The following SLC14A2 variants were observed in gnomAD, a reference collection of about 807,000 sequenced individuals.
SLC14A2 encodes solute carrier family 14 member 2.
SLC14A2 carries 91 observed loss-of-function variants against 104.6 expected under a neutral mutation model. That is an observed-to-expected ratio of 0.87 (90% confidence interval 0.73 to 1.04). The LOEUF is 1.04. SLC14A2 is among the 50% of genes least tolerant of loss of function. SLC14A2 has a pLI of 0.00. For missense variants in SLC14A2, 1,189 were observed against 1,156.0 expected, an observed-to-expected ratio of 1.03 and a Z score of -0.41; for synonymous variants, 476 against 466.4, an observed-to-expected ratio of 1.02 and a Z score of -0.27.
At chr18:45,367,745 TTTG>T (rs139963661) in intron 1 of SLC14A2, among the ~76,000 whole-genome samples, 221 of 151,948 alleles carry the variant, frequency 1.5e-3, no homozygotes, top group African/African-American at 4.4e-3. Context: ...AAATCAAATT[TTTG>T]TTGTTGTTGT....
intron 1 of SLC14A2, among the ~76,000 whole-genome samples, chr18:45,232,122 T>G (rs1357976024): frequency 6.6e-6 from 1 of 152,070 alleles, no homozygotes; most frequent in Non-Finnish European, 1.5e-5. Context: ...ATTCTCACAC[T>G]GCTAGCAAGA....
At chr18:45,597,887 G>C (rs1250927090) in intron 2 of SLC14A2, among the ~76,000 whole-genome samples, 1 of 152,152 alleles carries the variant, frequency 6.6e-6, no homozygotes, top group African/African-American at 2.4e-5. Flanking sequence ...GGCATTAATA[G>C]GAATTGCTGG....
chr18:45,681,033 T>C (rs867531793), intron 19 of SLC14A2, among the ~76,000 whole-genome samples: 18 of 150,576 alleles, frequency 1.2e-4, no homozygotes, highest in African/African-American at 4.2e-4. Flanking sequence ...ACTCCCATGG[T>C]AGTATCTGAG....
chr18:45,450,808 A>G (rs915234893), intron 1 of SLC14A2, among the ~76,000 whole-genome samples: 1 of 152,242 alleles, frequency 6.6e-6, no homozygotes, highest in African/African-American at 2.4e-5. Flanking sequence ...AGTGCAAACC[A>G]TTCAGTCAAG....
upstream of SLC14A2, among the ~76,000 whole-genome samples, chr18:45,209,417 G>A (rs1006723628): frequency 6.6e-6 from 1 of 152,060 alleles, no homozygotes; most frequent in Non-Finnish European, 1.5e-5. Context: ...GTAAAATCAG[G>A]TTTTAAAAAT....
intron 2 of SLC14A2, among the ~76,000 whole-genome samples, chr18:45,543,818 G>A (rs145226490): frequency 9.8e-5 from 15 of 152,330 alleles, no homozygotes; most frequent in Admixed American, 3.3e-4. Flanking sequence ...TGTTCCCACC[G>A]TTGCCTAACT....
chr18:45,252,105 A>G (rs888702271), intron 1 of SLC14A2, among the ~76,000 whole-genome samples: 29 of 152,208 alleles, frequency 1.9e-4, no homozygotes, highest in African/African-American at 6.8e-4. Context: ...GTGACCAGCA[A>G]TGAGAATCCT....
intron 1 of SLC14A2, among the ~76,000 whole-genome samples, chr18:45,415,952 T>C (rs1414502645): frequency 6.6e-6 from 1 of 152,180 alleles, no homozygotes; most frequent in Non-Finnish European, 1.5e-5. Flanking sequence ...GCTGTTTGCA[T>C]TGCTAACTGC....
the SLC14A2 span, among the ~76,000 whole-genome samples, chr18:45,196,092 AC>A: frequency 6.8e-3 from 1,040 of 152,306 alleles, 5 homozygotes; most frequent in Non-Finnish European, 0.011. Flanking sequence ...TTATTTGGAC[AC>A]TGTTTGAACA....
At chr18:45,305,879 T>C (rs1452277887) in intron 1 of SLC14A2, among the ~76,000 whole-genome samples, 1 of 152,244 alleles carries the variant, frequency 6.6e-6, no homozygotes, top group Admixed American at 6.5e-5. Context: ...TACAATTTTA[T>C]TAAGTTTCTG....
At chr18:45,201,948 C>G in the SLC14A2 span, among the ~76,000 whole-genome samples, 1 of 152,082 alleles carries the variant, frequency 6.6e-6, no homozygotes, top group African/African-American at 2.4e-5. Context: ...GCAATTCAGA[C>G]CACCCATCTC....
At chr18:45,170,808 C>T in the SLC14A2 span, among the ~76,000 whole-genome samples, 8 of 152,142 alleles carry the variant, frequency 5.3e-5, no homozygotes, top group East Asian at 3.9e-4. Context: ...GAGGAAAAGG[C>T]GGCCCATGTT....
intron 1 of SLC14A2, among the ~76,000 whole-genome samples, chr18:45,399,904 A>G (rs2086077307): frequency 6.6e-6 from 1 of 152,046 alleles, no homozygotes; most frequent in African/African-American, 2.4e-5. Context: ...CCTCATCCTC[A>G]TCACACTTGG....
chr18:45,402,690 C>G (rs1318651445), intron 1 of SLC14A2, among the ~76,000 whole-genome samples: 7 of 152,184 alleles, frequency 4.6e-5, no homozygotes, highest in Non-Finnish European at 2.9e-5. Context: ...CCCAACCCCA[C>G]CTGCCATTTT....
intron 2 of SLC14A2, among the ~76,000 whole-genome samples, chr18:45,607,194 T>C (rs2044886397): frequency 6.6e-6 from 1 of 152,208 alleles, no homozygotes; most frequent in Admixed American, 6.5e-5. Flanking sequence ...TGGTATGTAA[T>C]TCTTCAATTA....
the SLC14A2 span, among the ~76,000 whole-genome samples, chr18:45,182,809 T>C: frequency 6.6e-6 from 1 of 152,170 alleles, no homozygotes; most frequent in East Asian, 1.9e-4. Flanking sequence ...ATATGCTACA[T>C]TTGTACATAG....
At chr18:45,367,366 T>G (rs75331550) in intron 1 of SLC14A2, among the ~76,000 whole-genome samples, 1,889 of 152,334 alleles carry the variant, frequency 0.012, 37 homozygotes, top group African/African-American at 0.043. Context: ...CCTCCTTATA[T>G]CTTTCTCCTG....
At chr18:45,222,335 A>G (rs547769181) in intron 1 of SLC14A2, among the ~76,000 whole-genome samples, 252 of 152,278 alleles carry the variant, frequency 1.7e-3, no homozygotes, top group Middle Eastern at 3.4e-3. Flanking sequence ...CGTTTTTGGA[A>G]TGCAAAAATC....
At chr18:45,524,944 C>T (rs377477637) in intron 2 of SLC14A2, among the ~76,000 whole-genome samples, 1 of 152,182 alleles carries the variant, frequency 6.6e-6, no homozygotes, top group African/African-American at 2.4e-5. Flanking sequence ...AGACTTAAAG[C>T]ATCTCCTTAT....
Sources: allele counts gnomAD v4.1 joint callset (sites outside exome capture counted in the v4.1 genomes callset), GRCh38; gene constraint gnomAD v4.1.1; transcripts MANE v1.5; gene names NCBI Gene and HGNC (gene_info 2026-07-23, HGNC 2026-07-21).